The following ABLIM2 variants were observed in gnomAD, a reference collection of about 807,000 sequenced individuals.
The protein encoded by ABLIM2 is actin binding LIM protein family member 2, also known as actin-binding LIM protein 2.
ABLIM2 carries 53 observed loss-of-function variants against 97.7 expected under a neutral mutation model. That is an observed-to-expected ratio of 0.54 (90% CI 0.44 to 0.68). The LOEUF (loss-of-function observed/expected upper bound fraction) is 0.68, where lower values mean the gene tolerates loss of function less well. ABLIM2 is among the 30% of genes least tolerant of loss of function. The pLI is 0.00. For missense variants in ABLIM2, 835 were observed against 867.2 expected (o/e 0.96, Z 0.47); for synonymous variants, 361 against 345.8 (o/e 1.04, Z -0.49).
chr4:8,007,993 C>T (rs1762512511), intron 16 of ABLIM2, 66 bp downstream of exon 16: 2 of 1,595,562 alleles, frequency 1.3e-6, no homozygotes, highest in Non-Finnish European at 8.6e-7. Context: ...GCTCTGAGTT[C>T]TGGGGCCTCT....
At chr4:7,974,909 CCT>C (rs1731736315) in intron 20 of ABLIM2, among the ~76,000 whole-genome samples, 1 of 152,198 alleles carries the variant, frequency 6.6e-6, no homozygotes, top group South Asian at 2.1e-4. Context: ...GTTGGGGACA[CCT>C]AAGACAGGTT....
rs1322801635 is a variant in ABLIM2, at chr4:8,054,490, G to A, written c.764-244C>T. 6.6e-6 allele frequency among the ~76,000 whole-genome samples: 1 copy of A among 152,246 alleles called. No individual in the cohort carries two copies. Among genetic ancestry groups the A allele is most frequent in the African/African-American group, 2.4e-5 (1 of 41,466 alleles). ...GGGACGGAGGCAGCAAACAAACAGG[G>A]AAATGGCTGCTGTGCACTAACTGCT... On this transcript the variant is annotated intron_variant, in intron 7 of 20. Coordinates refer to ENST00000447017, the MANE Select transcript of ABLIM2 (RefSeq NM_001130083.2). The surrounding 1 kb of genome is among the most constrained non-coding windows in gnomAD (Gnocchi z 4.9).
rs1249848611 is a variant in ABLIM2, at chr4:8,023,499, G to A, written c.1268-3196C>T. 6.6e-6 allele frequency among the ~76,000 whole-genome samples: 1 copy of A among 152,218 alleles called. No individual in the cohort carries two copies. The highest frequency in any genetic ancestry group is 1.5e-5 in the Non-Finnish European group (1 of 68,042). ...GTGTCCTCACCACATCCTATCAAGG[G>A]CACCTGCTGTCAGCAGAGCGGATCA... On this transcript the variant is annotated intron_variant, in intron 12 of 20. Coordinates refer to ENST00000447017, the MANE Select transcript of ABLIM2 (RefSeq NM_001130083.2). This position sits in a 1 kb window ranked among gnomAD's most constrained non-coding sequence, Gnocchi z 5.7.
chr4:7,992,802 G>C lies in ABLIM2; in HGVS notation c.1680+64C>G. The stretch of plus-strand genomic sequence containing the variant: ...CCTGCTGTGTGGTCAAGAAGCTGTG[G>C]GAAACGTGCTCAGCCTCACAGCAAT... On this transcript the variant is annotated intron_variant, in intron 17 of 20. Coordinates refer to ENST00000447017, the MANE Select transcript of ABLIM2 (RefSeq NM_001130083.2). This position sits in a 1 kb window ranked among gnomAD's most constrained non-coding sequence, Gnocchi z 5.7. The C allele has an allele frequency of 6.4e-7, 1 of 1,552,618 alleles. No individual in the cohort carries two copies. Among genetic ancestry groups the C allele is most frequent in the Non-Finnish European group, 8.8e-7 (1 of 1,134,980 alleles).
chr4:8,017,301 A>ATTT (rs199555557), intron 14 of ABLIM2, among the ~76,000 whole-genome samples: 9 of 133,196 alleles, frequency 6.8e-5, no homozygotes, highest in East Asian at 6.2e-4. Flanking sequence ...TATTATTATT[A>ATTT]TTTTTTTTTT....
Position 8,088,270 on chromosome 4 carries a change from G to C in ABLIM2, c.353C>G (p.Pro118Arg), listed in dbSNP as rs1163411062. The change falls in exon 4 of 21, where the codon CCC (proline) becomes CGC (arginine). Residue 118 changes from proline to arginine, a missense_variant. Coordinates refer to ENST00000447017, the MANE Select transcript of ABLIM2 (RefSeq NM_001130083.2). The part of the protein sequence containing the change: ...VCAVCRLPFP[P>R]GDRVTFNGKE... ...CCCGTTGAAGGTCACTCGGTCCCCG[G>C]GGGGGAAGGGCAGCCTGAAACAAGA... is the stretch of plus-strand genomic sequence containing the variant. The C allele has an allele frequency of 5.6e-6, 9 of 1,612,560 alleles. No homozygotes were observed. The highest frequency in any genetic ancestry group is 6.8e-6 in the Non-Finnish European group (8 of 1,179,404).
chr4:8,067,108 T>C lies in ABLIM2; in HGVS notation c.676-6054A>G, dbSNP rs2152270215. ...GGCGAGGGGGGCCTACCCAAGGCCATGTCATTGAGAGAATGAGGAGCCAGG... is the reference window on the plus strand; with the variant it reads ...GGCGAGGGGGGCCTACCCAAGGCCACGTCATTGAGAGAATGAGGAGCCAGG... On this transcript the variant is annotated intron_variant, in intron 6 of 20. Coordinates refer to ENST00000447017, the MANE Select transcript of ABLIM2 (RefSeq NM_001130083.2). The surrounding 1 kb of genome is among the most constrained non-coding windows in gnomAD (Gnocchi z 5.4). 1 of 152,326 alleles carries C rather than the reference T, an allele frequency of 6.6e-6. No individual in the cohort carries two copies. The highest frequency in any genetic ancestry group is 1.5e-5 in the Non-Finnish European group (1 of 68,078). The allele number at this position is 152,326 out of a possible 1,614,324, so 9.4% of individuals were successfully genotyped here.
At position 8,002,772 on chromosome 4, in the gene ABLIM2, A is replaced by G. The variant is rs573749973; in HGVS notation, c.1618+5287T>C. On this transcript the variant is annotated intron_variant, in intron 16 of 20. Coordinates refer to ENST00000447017, the MANE Select transcript of ABLIM2 (RefSeq NM_001130083.2). The surrounding 1 kb of genome is among the most constrained non-coding windows in gnomAD (Gnocchi z 6.1). ...CACAAACTGCTCTGTGACCTGACGC[A>G]TGGCCCTCACTGTTCTTCCAACCCA... 2.0e-5 allele frequency among the ~76,000 whole-genome samples: 3 copies of G among 152,272 alleles called. No individual in the cohort carries two copies.
rs1852129028 is a variant in ABLIM2 at position 8,148,164 on chromosome 4, G to A, written c.10+10516C>T. ...AGGGGTTTGGAGTGGCAGGAGGCAG[G>A]GGCAGAGGGAGAAAAGGAAGACGTG... On this transcript the variant is annotated intron_variant, in intron 1 of 20. Coordinates refer to ENST00000447017, the MANE Select transcript of ABLIM2 (RefSeq NM_001130083.2). This position sits in a 1 kb window ranked among gnomAD's most constrained non-coding sequence, Gnocchi z 6.7. Among the ~76,000 whole-genome samples, 1 of 152,224 alleles carries A rather than the reference G, an allele frequency of 6.6e-6. No homozygotes were observed. Among genetic ancestry groups the A allele is most frequent in the Non-Finnish European group, 1.5e-5 (1 of 68,036 alleles).
At chr4:8,142,913 C>T (rs190998102) in intron 1 of ABLIM2, among the ~76,000 whole-genome samples, 44 of 152,256 alleles carry the variant, frequency 2.9e-4, no homozygotes, top group East Asian at 1.5e-3. Context: ...GGTGGGAGGG[C>T]GAGGAAGATA....
chr4:8,105,609 T>C (rs1836972512), intron 2 of ABLIM2, among the ~76,000 whole-genome samples: 1 of 152,176 alleles, frequency 6.6e-6, no homozygotes, highest in South Asian at 2.1e-4. Flanking sequence ...TCGAGGGTCG[T>C]TATGGTTAAG....
At chr4:7,984,995 G>T in intron 17 of ABLIM2, 102 bp from the exon 18 acceptor site, 1 of 1,253,502 alleles carries the variant, frequency 8.0e-7, no homozygotes, top group Non-Finnish European at 1.1e-6. Flanking sequence ...CGAGGTCCTC[G>T]TGCTGCCTGG....
chr4:8,101,218 G>A (rs976615941), intron 2 of ABLIM2, among the ~76,000 whole-genome samples: 2 of 152,226 alleles, frequency 1.3e-5, no homozygotes, highest in African/African-American at 4.8e-5. Context: ...TCGCAGCTCC[G>A]AGTCTTGGCC....
At chr4:7,988,396 G>A (rs985634049) in intron 17 of ABLIM2, among the ~76,000 whole-genome samples, 2 of 152,204 alleles carry the variant, frequency 1.3e-5, no homozygotes, top group Admixed American at 6.5e-5. Flanking sequence ...CAGGAGGTGG[G>A]CATGATTATC....
At chr4:8,099,964 T>C (rs1006549228) in intron 2 of ABLIM2, among the ~76,000 whole-genome samples, 3 of 152,240 alleles carry the variant, frequency 2.0e-5, no homozygotes, top group African/African-American at 7.2e-5. Context: ...GTTCTTATAT[T>C]GCATTTTGCA....
rs1289811739 is a variant in ABLIM2, at chr4:8,004,822, T to C, written c.1618+3237A>G. Among the ~76,000 whole-genome samples, 2 of 152,208 alleles carry C rather than the reference T, an allele frequency of 1.3e-5. No homozygotes were observed. The highest frequency in any genetic ancestry group is 2.9e-5 in the Non-Finnish European group (2 of 68,034). Reference sequence around the variant, plus strand: ...AGTCCAGATAATGCCCTATGTGTAATATAAACAGGAACAGAAAAGCAGTCA... The same window carrying C: ...AGTCCAGATAATGCCCTATGTGTAACATAAACAGGAACAGAAAAGCAGTCA... On this transcript the variant is annotated intron_variant, in intron 16 of 20. Coordinates refer to ENST00000447017, the MANE Select transcript of ABLIM2 (RefSeq NM_001130083.2). The surrounding 1 kb of genome is among the most constrained non-coding windows in gnomAD (Gnocchi z 5.9).
intron 20 of ABLIM2, among the ~76,000 whole-genome samples, chr4:7,972,120 G>T (rs2149398977): frequency 6.6e-6 from 1 of 152,286 alleles, no homozygotes; most frequent in East Asian, 1.9e-4. Context: ...AATGACGGTG[G>T]CCATTGCCCC....
In ABLIM2 at chr4:8,045,125, C is replaced by G. The variant is rs778580777; in HGVS notation, c.900+39G>C. 5.0e-6 allele frequency: 8 copies of G among 1,589,764 alleles called. No individual in the cohort carries two copies. In the East Asian group the frequency reaches 6.7e-5, roughly 13 times the overall value. ...CCACCGGGCCCCCCTTCTCTCTCCA[C>G]CCTCCCACCGCCGTCCCCATAAAAA... On this transcript the variant is annotated intron_variant, in intron 9 of 20. Coordinates refer to ENST00000447017, the MANE Select transcript of ABLIM2 (RefSeq NM_001130083.2).
intron 1 of ABLIM2, among the ~76,000 whole-genome samples, chr4:8,129,278 C>G (rs1849013094): frequency 6.6e-6 from 1 of 152,206 alleles, no homozygotes; most frequent in Non-Finnish European, 1.5e-5. Flanking sequence ...CCCGCCCCCT[C>G]TGTGACTCAC....
Sources: allele counts gnomAD v4.1 joint callset (sites outside exome capture counted in the v4.1 genomes callset), GRCh38; gene constraint gnomAD v4.1.1; non-coding constraint Gnocchi (gnomAD v3.1); transcripts MANE v1.5; gene names NCBI Gene and HGNC (gene_info 2026-07-23, HGNC 2026-07-21).